The following ACTR1A variants were observed in gnomAD, a reference collection of about 807,000 sequenced individuals.
The protein encoded by ACTR1A is alpha-centractin.
Under a neutral mutation model 50.7 loss-of-function variants are expected in ACTR1A, and 10 were observed. The observed-to-expected ratio is 0.20, with a 90% CI of 0.12 to 0.33. The LOEUF (loss-of-function observed/expected upper bound fraction) is 0.33, where lower values mean the gene tolerates loss of function less well. Among genes scored for constraint, ACTR1A ranks in the 10% least tolerant of loss-of-function variants. The pLI is 1.00. For missense variants in ACTR1A, 253 were observed against 491.7 expected (o/e 0.51, Z 4.59); for synonymous variants, 177 against 184.2 (o/e 0.96, Z 0.32).
intron 4 of ACTR1A, 127 bp from the exon 5 acceptor site, chr10:102,485,860 A>C (rs1412248577): frequency 5.9e-5 from 81 of 1,366,292 alleles, no homozygotes; most frequent in Non-Finnish European, 1.0e-6. Flanking sequence ...ACTCCAAAAA[A>C]AGGCAAGCTG....
chr10:102,495,295 C>T (rs766055412), intron 1 of ACTR1A, among the ~76,000 whole-genome samples: 1 of 151,924 alleles, frequency 6.6e-6, no homozygotes, highest in African/African-American at 2.4e-5. Context: ...TAAGGCCAGG[C>T]GCAGTAGCTC....
chr10:102,495,818 T>G (rs1306810830), intron 1 of ACTR1A, among the ~76,000 whole-genome samples: 3 of 141,792 alleles, frequency 2.1e-5, no homozygotes, highest in African/African-American at 7.8e-5. Context: ...TGGAGTGCAG[T>G]GGCGTGATCT....
rs1225954180 is a variant in ACTR1A, at chr10:102,488,637, G to A, written c.190-362C>T. Among the ~76,000 whole-genome samples the A allele has an allele frequency of 6.6e-6, 1 of 152,138 alleles. No individual in the cohort carries two copies. Among genetic ancestry groups the A allele is most frequent in the African/African-American group, 2.4e-5 (1 of 41,420 alleles). On this transcript the variant is annotated intron_variant, in intron 3 of 10. Coordinates refer to ENST00000369905, the MANE Select transcript of ACTR1A (RefSeq NM_005736.4). This position sits in a 1 kb window ranked among gnomAD's most constrained non-coding sequence, Gnocchi z 4.4. ...ACTTGAAGCCAAGGATGGCAACAGCGATTCTGCTATCTGCTTACAAGAGGC... is the reference window on the plus strand; with the variant it reads ...ACTTGAAGCCAAGGATGGCAACAGCAATTCTGCTATCTGCTTACAAGAGGC...
chr10:102,488,273 C>T lies in ACTR1A; in HGVS notation c.192G>A (p.Glu64=), dbSNP rs781012383. Residue 64 remains glutamate, a splice_region_variant and synonymous_variant, in exon 4 of 11, where the codon GAG becomes GAA. Transcript: ENST00000369905. The surrounding 1 kb of genome is among the most constrained non-coding windows in gnomAD (Gnocchi z 4.4). ...GDIFIGPKAE[E]HRGLLSIRYP... ...AGCGGATTGAAAGCAGCCCTCGGTG[C>T]TCCTGGGAAAAGAGAACAGGACTTA... is the stretch of plus-strand genomic sequence containing the variant. 7.4e-6 allele frequency: 12 copies of T among 1,613,220 alleles called. No homozygotes were observed. The highest frequency in any genetic ancestry group is 9.3e-6 in the Non-Finnish European group (11 of 1,179,360).
At chr10:102,502,328 C>A (rs1189709904) in intron 1 of ACTR1A, among the ~76,000 whole-genome samples, 2 of 152,244 alleles carry the variant, frequency 1.3e-5, no homozygotes, top group Non-Finnish European at 2.9e-5. Context: ...TCTCACACAG[C>A]GGTTAAGGCC....
At chr10:102,500,903 C>A (rs1210759350) in intron 1 of ACTR1A, among the ~76,000 whole-genome samples, 1 of 151,236 alleles carries the variant, frequency 6.6e-6, no homozygotes, top group African/African-American at 2.4e-5. Context: ...TGAAACCCTT[C>A]CTACAAAAAA....
chr10:102,494,801 T>G (rs1303363389), intron 1 of ACTR1A, among the ~76,000 whole-genome samples: 3 of 151,772 alleles, frequency 2.0e-5, no homozygotes, highest in Non-Finnish European at 4.4e-5. Context: ...CTACAAAATA[T>G]TAATTTTAAT....
chr10:102,479,446 G>A lies in ACTR1A; in HGVS notation c.*1417C>T, dbSNP rs1056982. 1 of 409,494 alleles carries A rather than the reference G, an allele frequency of 2.4e-6. No individual in the cohort carries two copies. 25.4% of individuals were successfully genotyped at this position (409,494 alleles called of 1,614,324 possible). ...TTTGGTCATAGGACGGCGTGGGGGA[G>A]AATACTGTGTGAAGTCTGGGATTGG... On this transcript the variant is annotated 3_prime_UTR_variant, in exon 11 of 11. Coordinates refer to ENST00000369905, the MANE Select transcript of ACTR1A (RefSeq NM_005736.4). The surrounding 1 kb of genome is among the most constrained non-coding windows in gnomAD (Gnocchi z 4.0).
rs762043486 is a variant in ACTR1A at position 102,502,669 on chromosome 10, G to C, written c.-22C>G. On this transcript the variant is annotated 5_prime_UTR_variant, in exon 1 of 11. Transcript: ENST00000369905. Reference sequence around the variant, plus strand: ...CCATGGCAGAGGAATCTCTCCTTCTGGGGAAGGAACTGCCCAGCCGGGTCC... The same window carrying C: ...CCATGGCAGAGGAATCTCTCCTTCTCGGGAAGGAACTGCCCAGCCGGGTCC... The C allele has an allele frequency of 8.1e-6, 13 of 1,613,818 alleles. No homozygotes were observed. The highest frequency in any genetic ancestry group is 1.1e-5 in the Non-Finnish European group (13 of 1,179,654).
intron 1 of ACTR1A, among the ~76,000 whole-genome samples, chr10:102,495,547 C>T (rs1431946508): frequency 6.7e-6 from 1 of 148,270 alleles, no homozygotes; most frequent in African/African-American, 2.5e-5. Context: ...CCAGCCTGGA[C>T]GACAGTGCGA....
At chr10:102,502,575 T>A (rs770630136) in intron 1 of ACTR1A, 25 bp downstream of exon 1, 57 of 1,613,574 alleles carry the variant, frequency 3.5e-5, no homozygotes, top group Non-Finnish European at 4.7e-5. Context: ...CAAGTCCCCT[T>A]ATAGATAGGA....
chr10:102,487,789 G>A (rs1172132248), intron 4 of ACTR1A, among the ~76,000 whole-genome samples: 2 of 151,782 alleles, frequency 1.3e-5, no homozygotes, highest in East Asian at 1.9e-4. Flanking sequence ...CCGCCACCAC[G>A]CCCGGAGAAT....
intron 2 of ACTR1A, among the ~76,000 whole-genome samples, chr10:102,490,002 G>A (rs936635209): frequency 3.9e-5 from 6 of 152,064 alleles, no homozygotes; most frequent in African/African-American, 1.4e-4. Context: ...TTGGGAGGCC[G>A]AGGCAGGCAG....
chr10:102,497,043 G>A (rs1331883825), intron 1 of ACTR1A, among the ~76,000 whole-genome samples: 3 of 152,086 alleles, frequency 2.0e-5, no homozygotes, highest in African/African-American at 4.8e-5. Context: ...GCTGGGCATG[G>A]TGGTGCATGC....
In ACTR1A at chr10:102,485,739, G is replaced by T; in HGVS notation, c.316-6C>A. ...TCAGTCAGGAGCACAGGATGCTGGT[G>T]AAAGGAGCCCGGGAGACAATGAGGC... is the stretch of plus-strand genomic sequence containing the variant. On this transcript the variant is annotated splice_polypyrimidine_tract_variant and splice_region_variant and intron_variant, in intron 4 of 10. Transcript: ENST00000369905. 6.2e-7 allele frequency: 1 copy of T among 1,613,884 alleles called. No homozygotes were observed. Among genetic ancestry groups the T allele is most frequent in the Non-Finnish European group, 8.5e-7 (1 of 1,179,948 alleles).
intron 4 of ACTR1A, among the ~76,000 whole-genome samples, chr10:102,487,598 A>G (rs1460236221): frequency 1.3e-5 from 2 of 150,600 alleles, no homozygotes; most frequent in African/African-American, 2.4e-5. Flanking sequence ...CCCTTTGTTC[A>G]CTTGGTGACC....
At position 102,484,243 on chromosome 10, in the gene ACTR1A, G is replaced by A. The variant is rs150467398; in HGVS notation, c.574C>T (p.Arg192Cys). 5.6e-6 allele frequency: 9 copies of A among 1,614,100 alleles called. No homozygotes were observed. Among genetic ancestry groups the A allele is most frequent in the Non-Finnish European group, 7.6e-6 (9 of 1,180,052 alleles). ...RIDIAGRDVS[R>C]FLRLYLRKEG... is the part of the protein sequence containing the mutation. ...TTACGCAGGTAGAGGCGCAGGAAGC[G>A]AGAGACGTCCCGGCCCGCGATGTCG... Residue 192 changes from arginine to cysteine, a missense_variant, in exon 6 of 11, where the codon CGC (arginine) becomes TGC (cysteine). By Grantham distance (180) the Arg-to-Cys change is radical (BLOSUM62 -3). Coordinates refer to ENST00000369905, the MANE Select transcript of ACTR1A (RefSeq NM_005736.4).
At chr10:102,496,337 C>T (rs10786669) in intron 1 of ACTR1A, among the ~76,000 whole-genome samples, 16 of 152,016 alleles carry the variant, frequency 1.1e-4, no homozygotes, top group African/African-American at 3.6e-4. Context: ...GGAAGAGGTG[C>T]CTTTCAGGCT....
chr10:102,486,607 C>T (rs1371402259), intron 4 of ACTR1A, among the ~76,000 whole-genome samples: 1 of 151,966 alleles, frequency 6.6e-6, no homozygotes, highest in African/African-American at 2.4e-5. Flanking sequence ...GCAGGAGAAT[C>T]GCTTGAACCT....
Sources: allele counts gnomAD v4.1 joint callset (sites outside exome capture counted in the v4.1 genomes callset), GRCh38; gene constraint gnomAD v4.1.1; non-coding constraint Gnocchi (gnomAD v3.1); transcripts MANE v1.5; gene names NCBI Gene and HGNC (gene_info 2026-07-23, HGNC 2026-07-21).